DRC8: variants seen among roughly 807,000 people sequenced by gnomAD.
DRC8 encodes the protein dynein regulatory complex subunit 8.
At chr1:245,047,805 C>G in the DRC8 span, among the ~76,000 whole-genome samples, 2 of 151,938 alleles carry the variant, frequency 1.3e-5, no homozygotes, top group South Asian at 2.1e-4. Flanking sequence ...AACCTCGTCT[C>G]TACTAAAAAT....
chr1:245,008,182 A>C, the DRC8 span, among the ~76,000 whole-genome samples: 1 of 152,178 alleles, frequency 6.6e-6, no homozygotes, highest in South Asian at 2.1e-4. Context: ...TCAAAAACAA[A>C]GAAACAAACA....
the DRC8 span, among the ~76,000 whole-genome samples, chr1:245,111,018 A>C: frequency 6.6e-6 from 1 of 151,662 alleles, no homozygotes; most frequent in Non-Finnish European, 1.5e-5. Flanking sequence ...TTTTTTAATT[A>C]AAAAAAAACT....
At chr1:245,050,615 G>T in the DRC8 span, among the ~76,000 whole-genome samples, 1 of 152,162 alleles carries the variant, frequency 6.6e-6, no homozygotes, top group East Asian at 1.9e-4. Flanking sequence ...AGTTAATGTA[G>T]GGATTACTGT....
At chr1:245,065,262 A>G in the DRC8 span, among the ~76,000 whole-genome samples, 1 of 131,132 alleles carries the variant, frequency 7.6e-6, no homozygotes, top group Non-Finnish European at 1.8e-5. Context: ...CATGTTGGCC[A>G]GGCTGGTCTT....
At chr1:245,055,355 T>C in the DRC8 span, among the ~76,000 whole-genome samples, 1 of 152,240 alleles carries the variant, frequency 6.6e-6, no homozygotes, top group Non-Finnish European at 1.5e-5. Flanking sequence ...GATCTCACTC[T>C]GTCACCCAGG....
chr1:245,010,572 G>A, the DRC8 span, among the ~76,000 whole-genome samples: 2 of 152,156 alleles, frequency 1.3e-5, no homozygotes, highest in Non-Finnish European at 2.9e-5. Context: ...ACTGCTTTCT[G>A]GGGCCTGACT....
At chr1:245,028,917 T>A in the DRC8 span, among the ~76,000 whole-genome samples, 14 of 152,366 alleles carry the variant, frequency 9.2e-5, no homozygotes, top group East Asian at 2.7e-3. Context: ...CTGAAATGGT[T>A]ACTTACTTTC....
the DRC8 span, among the ~76,000 whole-genome samples, chr1:245,015,392 T>C: frequency 6.6e-6 from 1 of 152,182 alleles, no homozygotes; most frequent in African/African-American, 2.4e-5. Flanking sequence ...TATCAGCAAA[T>C]CTTGTTGGCT....
chr1:245,017,373 A>T, the DRC8 span: 1 of 1,534,926 alleles, frequency 6.5e-7, no homozygotes, highest in Non-Finnish European at 8.8e-7. Flanking sequence ...TTACTGATAC[A>T]AGTCATAAGA....
chr1:245,112,954 A>G, the DRC8 span, among the ~76,000 whole-genome samples: 2 of 152,112 alleles, frequency 1.3e-5, no homozygotes, highest in Non-Finnish European at 2.9e-5. Flanking sequence ...TGGTTTCACC[A>G]TGTTGGCCAG....
the DRC8 span, among the ~76,000 whole-genome samples, chr1:244,980,657 G>A: frequency 1.3e-5 from 2 of 152,220 alleles, no homozygotes; most frequent in Non-Finnish European, 2.9e-5. Flanking sequence ...AAAGAATAAA[G>A]AGGAATAGTA....
chr1:245,077,450 G>A, the DRC8 span, among the ~76,000 whole-genome samples: 4 of 152,242 alleles, frequency 2.6e-5, no homozygotes, highest in East Asian at 7.7e-4. Context: ...TAGAGGAATT[G>A]TATCACAAAT....
At chr1:245,077,399 T>C in the DRC8 span, among the ~76,000 whole-genome samples, 1 of 152,210 alleles carries the variant, frequency 6.6e-6, no homozygotes, top group Non-Finnish European at 1.5e-5. Context: ...ATTGATTCAT[T>C]AGTTATGACA....
At chr1:245,086,112 A>T in the DRC8 span, among the ~76,000 whole-genome samples, 4 of 152,260 alleles carry the variant, frequency 2.6e-5, no homozygotes, top group South Asian at 8.3e-4. Context: ...TGGTACTTAA[A>T]GATCAACTAT....
the DRC8 span, among the ~76,000 whole-genome samples, chr1:245,113,681 G>A: frequency 6.6e-6 from 1 of 152,126 alleles, no homozygotes; most frequent in Non-Finnish European, 1.5e-5. Context: ...ATATATTAAA[G>A]TAATAACAAA....
the DRC8 span, among the ~76,000 whole-genome samples, chr1:245,062,435 T>C: frequency 3.3e-5 from 5 of 152,320 alleles, no homozygotes; most frequent in South Asian, 6.2e-4. Flanking sequence ...GGCTACCAAA[T>C]AATCCTTCTT....
the DRC8 span, among the ~76,000 whole-genome samples, chr1:245,066,469 A>G: frequency 6.6e-6 from 1 of 152,256 alleles, no homozygotes; most frequent in East Asian, 1.9e-4. Context: ...TATTAAGTGT[A>G]ACTACAAAAG....
At chr1:245,026,271 T>G in the DRC8 span, among the ~76,000 whole-genome samples, 1 of 152,220 alleles carries the variant, frequency 6.6e-6, no homozygotes, top group Admixed American at 6.5e-5. Context: ...GCAGGAACCT[T>G]GAGTGTACTA....
chr1:245,076,640 T>G, the DRC8 span, among the ~76,000 whole-genome samples: 36 of 152,258 alleles, frequency 2.4e-4, no homozygotes, highest in Non-Finnish European at 4.7e-4. Context: ...TGAATTCATT[T>G]CAGTATAATT....
Sources: allele counts gnomAD v4.1 joint callset (sites outside exome capture counted in the v4.1 genomes callset), GRCh38; gene constraint gnomAD v4.1.1; transcripts MANE v1.5; gene names NCBI Gene and HGNC (gene_info 2026-07-23, HGNC 2026-07-21).